The following CENPN variants were observed in gnomAD, a reference collection of about 807,000 sequenced individuals.
CENPN encodes the protein centromere protein N.
A neutral mutation model predicts 48.6 loss-of-function variants in CENPN; 36 were observed. The observed-to-expected ratio is 0.74, with a 90% CI of 0.57 to 0.98. CENPN has a LOEUF of 0.98. Among genes scored for constraint, CENPN ranks in the 50% least tolerant of loss-of-function variants. The pLI is 0.00. For missense variants in CENPN, 439 were observed against 399.2 expected (o/e 1.10, Z -0.85); for synonymous variants, 166 against 135.2 (o/e 1.23, Z -1.58).
chr16:81,019,234 G>A lies in CENPN; in HGVS notation c.355-866G>A, dbSNP rs146124340. ...TTTTGTTTTGTTTTTGTTTTTTTTT[G>A]GAAACGTGGTCTCACTCTGTTGCCC... On this transcript the variant is annotated intron_variant, in intron 5 of 10. Coordinates refer to ENST00000305850, the MANE Select transcript of CENPN (RefSeq NM_001100624.3). 4.2e-3 allele frequency among the ~76,000 whole-genome samples: 623 copies of A among 148,524 alleles called. 5 individuals are homozygous for A. The highest frequency in any genetic ancestry group is 0.015 in the African/African-American group (603 of 40,256).
chr16:81,010,310 G>T (rs1224825735), intron 1 of CENPN, among the ~76,000 whole-genome samples: 1 of 152,222 alleles, frequency 6.6e-6, no homozygotes, highest in South Asian at 2.1e-4. Flanking sequence ...CGTGAGATCA[G>T]CTGTCACCAT....
chr16:81,019,496 G>A (rs1970080770), intron 5 of CENPN, among the ~76,000 whole-genome samples: 1 of 151,948 alleles, frequency 6.6e-6, no homozygotes, highest in South Asian at 2.1e-4. Context: ...AGGATTACAG[G>A]CATAAGCCAC....
chr16:81,017,481 G>C (rs1969979762), intron 4 of CENPN, 96 bp downstream of exon 4: 3 of 844,018 alleles, frequency 3.6e-6, no homozygotes, highest in Non-Finnish European at 5.9e-6. Context: ...CTGCACTCCA[G>C]CCTGGGTAAC....
At position 81,009,427 on chromosome 16, in the gene CENPN, G is replaced by A. The variant is rs7359453; in HGVS notation, c.-11+2150G>A. On this transcript the variant is annotated intron_variant, in intron 1 of 10. Transcript: ENST00000305850. The stretch of plus-strand genomic sequence containing the variant: ...GATTATTTAAGAGACTAGTGTAGTT[G>A]GAGCTCAGAAAACCAAGGAGAGGGA... Among the ~76,000 whole-genome samples the A allele has an allele frequency of 8.3e-3, 1,271 of 152,230 alleles. 17 individuals carry two copies. Among genetic ancestry groups the A allele is most frequent in the African/African-American group, 0.029 (1,209 of 41,530 alleles).
chr16:81,009,483 G>A (rs187197567), intron 1 of CENPN, among the ~76,000 whole-genome samples: 1 of 152,330 alleles, frequency 6.6e-6, no homozygotes, highest in East Asian at 1.9e-4. Context: ...GGGCCTTGTA[G>A]ACCATGGTGA....
intron 9 of CENPN, among the ~76,000 whole-genome samples, chr16:81,027,474 T>C (rs576605045): frequency 1.3e-5 from 2 of 152,294 alleles, no homozygotes; most frequent in East Asian, 3.9e-4. Flanking sequence ...AGTAAGACTC[T>C]GTCTCAAAAA....
chr16:81,017,758 G>A lies in CENPN; in HGVS notation c.278G>A (p.Gly93Asp). The A allele has an allele frequency of 1.3e-6, 2 of 1,585,494 alleles. No homozygotes were observed. Among genetic ancestry groups the A allele is most frequent in the Non-Finnish European group, 1.7e-6 (2 of 1,167,798 alleles). Residue 93 changes from glycine to aspartate, a missense_variant and splice_region_variant, in exon 5 of 11, where the codon GGT (glycine) becomes GAT (aspartate). Gly to Asp is a moderately conservative substitution (Grantham distance 94). Coordinates refer to ENST00000305850, the MANE Select transcript of CENPN (RefSeq NM_001100624.3). The part of the protein sequence containing the change: ...WEVFQMSKGP[G>D]EDVDLFDMKQ... ...CTTTATTTTTTTTTCACTTTGGCAGGTGAAGATGTTGACCTTTTTGATATG... is the reference window on the plus strand; with the variant it reads ...CTTTATTTTTTTTTCACTTTGGCAGATGAAGATGTTGACCTTTTTGATATG...
intron 8 of CENPN, among the ~76,000 whole-genome samples, chr16:81,026,183 GTGTATATATA>G (rs1373401608): frequency 1.4e-5 from 2 of 145,074 alleles, no homozygotes; most frequent in South Asian, 2.1e-4. Context: ...ATATATGTGT[GTGTATATATA>G]TGTATATATA....
At chr16:81,031,768 A>T (rs773301286), downstream of CENPN, among the ~76,000 whole-genome samples, 5 of 152,048 alleles carry the variant, frequency 3.3e-5, no homozygotes, top group Admixed American at 1.3e-4. Context: ...ATGCCCAGCT[A>T]ATTTTTGTAT....
At chr16:81,031,657 G>A (rs1375149789), downstream of CENPN, among the ~76,000 whole-genome samples, 2 of 152,172 alleles carry the variant, frequency 1.3e-5, no homozygotes, top group South Asian at 2.1e-4. Context: ...TTCTGTTTAC[G>A]AGTTGTCTCA....
intron 2 of CENPN, among the ~76,000 whole-genome samples, chr16:81,012,346 C>G (rs2151677614): frequency 6.6e-6 from 1 of 152,160 alleles, no homozygotes; most frequent in East Asian, 1.9e-4. Flanking sequence ...AAAAACAGTA[C>G]AAATTAAAAT....
chr16:81,024,583 C>T, intron 7 of CENPN, 132 bp from the exon 8 acceptor site: 1 of 576,592 alleles, frequency 1.7e-6, no homozygotes, highest in Non-Finnish European at 2.9e-6. Flanking sequence ...GCCAACTCAG[C>T]CAGGATATGG....
chr16:81,032,444 T>C, downstream of CENPN: 1 of 905,900 alleles, frequency 1.1e-6, no homozygotes, highest in African/African-American at 1.7e-5. Context: ...CACACCCCAT[T>C]GGGGGTTGGG....
At position 81,020,368 on chromosome 16, in the gene CENPN, G is replaced by C. The variant is rs550478718; in HGVS notation, c.531+92G>C. The C allele has an allele frequency of 4.7e-6, 6 of 1,266,682 alleles. No individual in the cohort carries two copies. The African/African-American group carries it at 6.1e-5, about 13-fold the overall frequency. 78.5% of individuals were successfully genotyped at this position (1,266,682 alleles called of 1,614,324 possible). A position where few individuals can be genotyped will look rare whatever the true frequency, so the allele number is the denominator to read the frequency against. On this transcript the variant is annotated intron_variant, in intron 6 of 10. Transcript: ENST00000305850. ...AACTGTTGAATAAGTATTTGATAGA[G>C]AATACTAGGCCAGGTGCAGTGGCAT...
chr16:81,012,241 C>A, intron 2 of CENPN, 131 bp downstream of exon 2: 1 of 608,210 alleles, frequency 1.6e-6, no homozygotes, highest in Non-Finnish European at 2.6e-6. Flanking sequence ...GGGCTATATA[C>A]AACTGCAGTG....
At chr16:81,026,201 A>G (rs1363065376) in intron 8 of CENPN, among the ~76,000 whole-genome samples, 1 of 146,636 alleles carries the variant, frequency 6.8e-6, no homozygotes, top group African/African-American at 2.5e-5. Flanking sequence ...ATATGTATAT[A>G]TATGTGTGTG....
At chr16:81,014,244 T>C in intron 3 of CENPN, 63 bp downstream of exon 3, 4 of 1,432,726 alleles carry the variant, frequency 2.8e-6, no homozygotes, top group Non-Finnish European at 3.9e-6. Flanking sequence ...ATTTTGTTTC[T>C]TTCTTTGTGA....
chr16:81,014,267 C>T, intron 3 of CENPN, 86 bp downstream of exon 3: 1 of 1,144,344 alleles, frequency 8.7e-7, no homozygotes, highest in Non-Finnish European at 1.3e-6. Context: ...CAGGGTCTCC[C>T]TCTGTCGCCC....
chr16:81,029,418 G>A lies in CENPN; in HGVS notation c.*767G>A. 1.9e-6 allele frequency: 1 copy of A among 531,260 alleles called. No individual in the cohort carries two copies. The highest frequency in any genetic ancestry group is 2.4e-6 in the Non-Finnish European group (1 of 415,708). 32.9% of individuals were successfully genotyped at this position (531,260 alleles called of 1,614,324 possible). ...TTTTTTATTTCTTTATTTATTTATTGAGACAGGGTCTCACTGTGTCACCCA... is the reference window on the plus strand; with the variant it reads ...TTTTTTATTTCTTTATTTATTTATTAAGACAGGGTCTCACTGTGTCACCCA... On this transcript the variant is annotated 3_prime_UTR_variant, in exon 11 of 11. Coordinates refer to ENST00000305850, the MANE Select transcript of CENPN (RefSeq NM_001100624.3).
Sources: gnomAD v4.1 joint callset for allele counts (sites outside exome capture counted in the v4.1 genomes callset) on GRCh38, gnomAD v4.1.1 for gene constraint, MANE v1.5 for transcripts, NCBI Gene and HGNC (gene_info 2026-07-23, HGNC 2026-07-21) for gene names.